The following ARSG variants were observed in gnomAD, a reference collection of about 807,000 sequenced individuals.
ARSG encodes ASG.
Under a neutral mutation model 50.5 loss-of-function variants are expected in ARSG, and 37 were observed. The observed-to-expected ratio is 0.73, with a 90% CI of 0.56 to 0.96. The LOEUF is 0.96. Among genes scored for constraint, ARSG ranks in the 50% least tolerant of loss-of-function variants. ARSG has a pLI of 0.00. For missense variants in ARSG, 629 were observed against 675.3 expected (o/e 0.93, Z 0.76); for synonymous variants, 225 against 254.6 (o/e 0.88, Z 1.11).
At chr17:68,435,592 A>G in the ARSG span, 1 of 1,610,182 alleles carries the variant, frequency 6.2e-7, no homozygotes, top group African/African-American at 1.3e-5. Flanking sequence ...CGAAACCCAG[A>G]CAGAGGTGTT....
intron 2 of ARSG, among the ~76,000 whole-genome samples, chr17:68,309,011 G>A (rs1207038143): frequency 6.6e-6 from 1 of 152,248 alleles, no homozygotes; most frequent in Non-Finnish European, 1.5e-5. Flanking sequence ...CGGAGGGGGT[G>A]GGAGGCTCAG....
chr17:68,273,210 ATT>A (rs879951885), intron 1 of ARSG, among the ~76,000 whole-genome samples: 1 of 144,218 alleles, frequency 6.9e-6, no homozygotes, highest in African/African-American at 2.5e-5. Context: ...TGTTCATTTC[ATT>A]TTTTTTTTTT....
At chr17:68,371,062 T>C (rs536678300) in intron 8 of ARSG, among the ~76,000 whole-genome samples, 1 of 152,310 alleles carries the variant, frequency 6.6e-6, no homozygotes, top group South Asian at 2.1e-4. Context: ...GGCTCACGCC[T>C]GTAATCCCAG....
Position 68,370,650 on chromosome 17 carries a change from G to A in ARSG, c.982+126G>A, listed in dbSNP as rs1224216545. 1.3e-5 allele frequency: 11 copies of A among 819,494 alleles called. No homozygotes were observed. The East Asian group carries it at 2.7e-4, about 20-fold the overall frequency. The allele number at this position is 819,494 out of a possible 1,614,324, so 50.8% of individuals were successfully genotyped here. On this transcript the variant is annotated intron_variant, in intron 8 of 11. Transcript: ENST00000621439. Reference sequence around the variant, plus strand: ...CTTAGGGTCATCATTGTGAAACAGGGACACATTTGCTCACCAGCCACCAGC... The same window carrying A: ...CTTAGGGTCATCATTGTGAAACAGGAACACATTTGCTCACCAGCCACCAGC...
chr17:68,279,027 A>T (rs1392238842), intron 1 of ARSG, among the ~76,000 whole-genome samples: 1 of 152,222 alleles, frequency 6.6e-6, no homozygotes, highest in Non-Finnish European at 1.5e-5. Context: ...CCTCCCAAAA[A>T]GAAAGTTAAA....
the ARSG span, among the ~76,000 whole-genome samples, chr17:68,433,285 T>G: frequency 6.6e-6 from 1 of 152,326 alleles, no homozygotes; most frequent in Middle Eastern, 3.4e-3. Flanking sequence ...TGGCTCCCAG[T>G]TTTTTGCTTT....
intron 4 of ARSG, among the ~76,000 whole-genome samples, chr17:68,348,941 C>T (rs975857330): frequency 1.3e-5 from 2 of 152,144 alleles, no homozygotes; most frequent in African/African-American, 4.8e-5. Flanking sequence ...TGATTTAGAT[C>T]AGTGGTTGGC....
intron 11 of ARSG, among the ~76,000 whole-genome samples, chr17:68,413,341 A>G (rs1168813354): frequency 6.6e-6 from 1 of 152,218 alleles, no homozygotes; most frequent in Admixed American, 6.5e-5. Context: ...CTTGTAACAG[A>G]CAGGACCCTC....
At chr17:68,411,113 C>G (rs1468425863) in intron 11 of ARSG, among the ~76,000 whole-genome samples, 1 of 152,130 alleles carries the variant, frequency 6.6e-6, no homozygotes, top group Non-Finnish European at 1.5e-5. Context: ...TTTCTTGTGT[C>G]TCTATTTCCT....
intron 2 of ARSG, among the ~76,000 whole-genome samples, chr17:68,323,282 C>T (rs2077367694): frequency 3.3e-5 from 5 of 152,106 alleles, no homozygotes; most frequent in Admixed American, 3.3e-4. Flanking sequence ...TGAGTCACTG[C>T]AGACTCTAAT....
At chr17:68,374,355 AGAAGG>A (rs2080036510) in intron 8 of ARSG, among the ~76,000 whole-genome samples, 1 of 127,486 alleles carries the variant, frequency 7.8e-6, no homozygotes, top group Non-Finnish European at 1.7e-5. Context: ...CAGAAGGTGC[AGAAGG>A]TGTGGAGACC....
chr17:68,268,648 TGGGTTGGATGTTGTTTTATTC>T (rs1555747218), intron 1 of ARSG: 3 of 152,600 alleles, frequency 2.0e-5, no homozygotes, highest in Admixed American at 6.5e-5. Flanking sequence ...TTCAATGACC[TGGGTTGGATGTTGTTTTATTC>T]AGGAGAGTAG....
chr17:68,302,550 C>T (rs1287057889), intron 1 of ARSG, among the ~76,000 whole-genome samples: 2 of 152,150 alleles, frequency 1.3e-5, no homozygotes, highest in Non-Finnish European at 2.9e-5. Flanking sequence ...CAGGTTGCTG[C>T]ATTCCATTCG....
intron 2 of ARSG, among the ~76,000 whole-genome samples, chr17:68,320,275 G>A (rs1382663230): frequency 6.7e-6 from 1 of 150,000 alleles, no homozygotes; most frequent in Admixed American, 6.6e-5. Context: ...AGGTGACAGA[G>A]CAAGACTCCG....
At chr17:68,335,447 G>T (rs1036408879) in intron 2 of ARSG, among the ~76,000 whole-genome samples, 15 of 151,712 alleles carry the variant, frequency 9.9e-5, no homozygotes, top group Middle Eastern at 3.4e-3. Flanking sequence ...CCAGCTACTC[G>T]GGAGGCTGAG....
chr17:68,333,187 G>C (rs2077853133), intron 2 of ARSG, among the ~76,000 whole-genome samples: 1 of 152,052 alleles, frequency 6.6e-6, no homozygotes, highest in African/African-American at 2.4e-5. Context: ...CCAGGCATGG[G>C]GGCAGACACC....
chr17:68,368,878 T>C (rs1440155622), intron 7 of ARSG, 134 bp downstream of exon 7: 1 of 1,017,748 alleles, frequency 9.8e-7, no homozygotes, highest in Non-Finnish European at 1.4e-6. Context: ...GTGGCCCAGA[T>C]AAGGCTTGCT....
downstream of ARSG, chr17:68,426,176 C>A (rs868658911): frequency 5.0e-6 from 8 of 1,594,404 alleles, no homozygotes; most frequent in Non-Finnish European, 6.8e-6. Context: ...TCAGAATAAC[C>A]TGGAAACCAA....
chr17:68,272,050 C>T (rs1446482813), intron 1 of ARSG, among the ~76,000 whole-genome samples: 2 of 152,066 alleles, frequency 1.3e-5, no homozygotes, highest in Non-Finnish European at 2.9e-5. Flanking sequence ...ATCTGCCTGC[C>T]TCGGCCTCTC....
Sources: allele counts gnomAD v4.1 joint callset (sites outside exome capture counted in the v4.1 genomes callset), GRCh38; gene constraint gnomAD v4.1.1; transcripts MANE v1.5; gene names NCBI Gene and HGNC (gene_info 2026-07-23, HGNC 2026-07-21).